The following TPST1 variants were observed in gnomAD, a reference collection of about 807,000 sequenced individuals.
TPST1 encodes protein-tyrosine sulfotransferase 1.
TPST1 carries 20 observed loss-of-function variants against 34.8 expected under a neutral mutation model. The observed-to-expected ratio is 0.57, with a 90% CI of 0.40 to 0.84. The LOEUF (loss-of-function observed/expected upper bound fraction) is 0.84. TPST1 is among the 40% of genes least tolerant of loss of function. The probability of loss-of-function intolerance (pLI) is 0.00; values close to 1 mark genes in which losing one functional copy is unlikely to be tolerated. For missense variants in TPST1, 353 were observed against 455.5 expected, an observed-to-expected ratio of 0.78 and a Z score of 2.05; for synonymous variants, 152 against 159.4, an observed-to-expected ratio of 0.95 and a Z score of 0.35.
chr7:66,243,529 C>T (rs1790080382), intron 2 of TPST1, among the ~76,000 whole-genome samples: 1 of 151,140 alleles, frequency 6.6e-6, no homozygotes, highest in Non-Finnish European at 1.5e-5. Context: ...CTGCAACCTC[C>T]ATCTCCCAGG....
chr7:66,283,256 G>A (rs768594974), intron 2 of TPST1, among the ~76,000 whole-genome samples: 3 of 151,950 alleles, frequency 2.0e-5, no homozygotes, highest in South Asian at 4.2e-4. Flanking sequence ...GCAAGAGTCC[G>A]TCTCAAAAAA....
At chr7:66,320,787 GGGGCTTCACCATGTTGGTCAGGCTGGTCT>G (rs1283201961) in intron 3 of TPST1, among the ~76,000 whole-genome samples, 1 of 151,000 alleles carries the variant, frequency 6.6e-6, no homozygotes, top group East Asian at 2.0e-4. Flanking sequence ...TAGTAGAGAT[GGGGCTTCACCATGTTGGTCAGGCTGGTCT>G]CAAACTCCTG....
At chr7:66,244,367 T>C (rs1790105646) in intron 2 of TPST1, among the ~76,000 whole-genome samples, 2 of 152,234 alleles carry the variant, frequency 1.3e-5, no homozygotes, top group African/African-American at 4.8e-5. Context: ...GGCCTAGGGA[T>C]ACTTGTAGAA....
At position 66,240,620 on chromosome 7, in the gene TPST1, T is replaced by A; in HGVS notation, c.195T>A (p.Tyr65Ter). The A allele has an allele frequency of 6.2e-7, 1 of 1,614,160 alleles. No individual in the cohort carries two copies. Residue 65 changes from tyrosine to a stop codon, truncating the protein, a stop_gained, in exon 2 of 6, where the codon TAT becomes TAA. Coordinates refer to ENST00000304842, the MANE Select transcript of TPST1 (RefSeq NM_003596.4). LOFTEE classifies it high-confidence loss of function. ...TCAAAGCCAACAAAACCTTTGCCTATCACAAAGATATGCCTTTAATATTTA... is the reference window on the plus strand; with the variant it reads ...TCAAAGCCAACAAAACCTTTGCCTAACACAAAGATATGCCTTTAATATTTA... ...LDLKANKTFA[Y>*]HKDMPLIFIG...
chr7:66,200,586 A>AT (rs1400052213), upstream of TPST1, among the ~76,000 whole-genome samples: 4 of 151,300 alleles, frequency 2.6e-5, no homozygotes, highest in East Asian at 1.9e-4. Context: ...CACCCGGCTA[A>AT]TTTTTTTGTA....
At chr7:66,294,595 CT>C (rs202001970) in intron 3 of TPST1, among the ~76,000 whole-genome samples, 3,794 of 151,858 alleles carry the variant, frequency 0.025, 77 homozygotes, top group Admixed American at 0.039. Context: ...CCTCTTTACA[CT>C]TTTTATATAT....
chr7:66,267,507 G>A (rs181827444), intron 2 of TPST1, among the ~76,000 whole-genome samples: 1 of 152,086 alleles, frequency 6.6e-6, no homozygotes, highest in Non-Finnish European at 1.5e-5. Context: ...CCAAGATGTT[G>A]CTACACAGAG....
intron 2 of TPST1, among the ~76,000 whole-genome samples, chr7:66,279,675 A>G (rs766313547): frequency 6.6e-6 from 1 of 152,222 alleles, no homozygotes; most frequent in East Asian, 1.9e-4. Flanking sequence ...TTTCCTATCC[A>G]TATGAAACAC....
intron 1 of TPST1, among the ~76,000 whole-genome samples, chr7:66,237,235 G>T (rs1789929421): frequency 6.6e-6 from 1 of 152,170 alleles, no homozygotes; most frequent in Non-Finnish European, 1.5e-5. Flanking sequence ...GGTTTGCCTT[G>T]CCCTGCTCTG....
rs1042275613 is a variant in TPST1, at chr7:66,276,364, T to A, written c.846-10147T>A. ...TTTCTTCTTAAATTTTAAAAACATT[T>A]CATATATATATATATATGTATTTTT... is the stretch of plus-strand genomic sequence containing the variant. On this transcript the variant is annotated intron_variant, in intron 2 of 5. Transcript: ENST00000304842. Among the ~76,000 whole-genome samples the A allele has an allele frequency of 3.0e-3, 143 of 47,172 alleles. 6 individuals carry two copies. Among genetic ancestry groups the A allele is most frequent in the African/African-American group, 0.017 (135 of 8,008 alleles). 30.9% of individuals were successfully genotyped at this position (47,172 alleles called of 152,430 possible). A position where few individuals can be genotyped will look rare whatever the true frequency, so the allele number is the denominator to read the frequency against.
intron 2 of TPST1, among the ~76,000 whole-genome samples, chr7:66,268,169 T>C (rs1790628925): frequency 6.6e-6 from 1 of 152,078 alleles, no homozygotes; most frequent in Admixed American, 6.6e-5. Flanking sequence ...CCCAGGCTGG[T>C]CTTGAACTCC....
At chr7:66,342,092 A>G (rs1237217256) in intron 3 of TPST1, among the ~76,000 whole-genome samples, 1 of 152,230 alleles carries the variant, frequency 6.6e-6, no homozygotes, top group Non-Finnish European at 1.5e-5. Context: ...GCAGGATGTT[A>G]TCAAAATGAC....
chr7:66,240,013 C>T (rs908184832), intron 1 of TPST1, among the ~76,000 whole-genome samples: 10 of 152,096 alleles, frequency 6.6e-5, no homozygotes, highest in African/African-American at 2.2e-4. Flanking sequence ...TCCCGAGTAG[C>T]TGGGACTACA....
chr7:66,201,381 C>CA (rs138553925), upstream of TPST1, among the ~76,000 whole-genome samples: 8,157 of 73,272 alleles, frequency 0.11, 354 homozygotes, highest in Middle Eastern at 0.16. Flanking sequence ...CCATCTCTAC[C>CA]AAAAAAAAAA....
At chr7:66,221,949 A>AT (rs1789552053) in intron 1 of TPST1, among the ~76,000 whole-genome samples, 1 of 152,074 alleles carries the variant, frequency 6.6e-6, no homozygotes, top group Non-Finnish European at 1.5e-5. Context: ...TCAGTTCCAG[A>AT]TTACTTTCTT....
intron 3 of TPST1, among the ~76,000 whole-genome samples, chr7:66,303,374 T>C (rs1004889135): frequency 2.0e-5 from 3 of 152,216 alleles, no homozygotes; most frequent in African/African-American, 7.2e-5. Flanking sequence ...CATTTGTATT[T>C]AGAAAAACAG....
chr7:66,219,047 A>AT (rs376698635), intron 1 of TPST1, among the ~76,000 whole-genome samples: 62,669 of 108,838 alleles, frequency 0.58, 18,425 homozygotes, highest in Non-Finnish European at 0.61. Flanking sequence ...CGCCTGGCTA[A>AT]TTTTTTTTTT....
intron 3 of TPST1, among the ~76,000 whole-genome samples, chr7:66,338,244 A>G (rs931050452): frequency 1.3e-5 from 2 of 152,218 alleles, no homozygotes; most frequent in Non-Finnish European, 2.9e-5. Flanking sequence ...AGACAAGGCC[A>G]TTATATAACG....
At chr7:66,269,237 A>C (rs2115785647) in intron 2 of TPST1, among the ~76,000 whole-genome samples, 1 of 152,166 alleles carries the variant, frequency 6.6e-6, no homozygotes, top group South Asian at 2.1e-4. Context: ...TAGATGGAAA[A>C]CTCCCCATTC....
Sources: gnomAD v4.1 joint callset for allele counts (sites outside exome capture counted in the v4.1 genomes callset) on GRCh38, gnomAD v4.1.1 for gene constraint, MANE v1.5 for transcripts, NCBI Gene and HGNC (gene_info 2026-07-23, HGNC 2026-07-21) for gene names.